The following CRTC1 variants were observed in gnomAD, a reference collection of about 807,000 sequenced individuals.
The protein encoded by CRTC1 is CREB-regulated transcription coactivator 1.
In CRTC1, 18 loss-of-function variants were observed where a neutral mutation model predicts 66.1. That is an observed-to-expected ratio of 0.27 (90% CI 0.19 to 0.40). The LOEUF (loss-of-function observed/expected upper bound fraction) is 0.40. Ranked by LOEUF, CRTC1 falls within the 10% of genes least tolerant of loss-of-function variation. The probability of loss-of-function intolerance (pLI) is 1.00; values close to 1 mark genes in which losing one functional copy is unlikely to be tolerated. For missense variants in CRTC1, 669 were observed against 887.9 expected (o/e 0.75, Z 3.13); for synonymous variants, 416 against 398.8 (o/e 1.04, Z -0.51).
At chr19:18,740,876 G>C (rs1026709919) in intron 1 of CRTC1, among the ~76,000 whole-genome samples, 1 of 152,092 alleles carries the variant, frequency 6.6e-6, no homozygotes, top group African/African-American at 2.4e-5. Flanking sequence ...GCCAGGCATG[G>C]TGCCTGTAGT....
At chr19:18,716,576 T>C (rs993728828) in intron 1 of CRTC1, among the ~76,000 whole-genome samples, 3 of 152,194 alleles carry the variant, frequency 2.0e-5, no homozygotes, top group African/African-American at 4.8e-5. Context: ...TTAGCCCAGG[T>C]GCAGCCCAGC....
chr19:18,713,546 T>TGCACCCTTAGGCGTCCTCCTCGTGCCCC (rs141662915), intron 1 of CRTC1, among the ~76,000 whole-genome samples: 85,784 of 150,056 alleles, frequency 0.57, 25,685 homozygotes, highest in East Asian at 0.9. Flanking sequence ...GCTGAGGCCC[T>TGCACCCTTAGGCGTCCTCCTCGTGCCCC]GCACCCTTAG....
rs751456753 is a variant in CRTC1, at chr19:18,743,060, TG to T, written c.243+38del. 12 of 1,532,274 alleles carry T rather than the reference TG, an allele frequency of 7.8e-6. No individual in the cohort carries two copies. In the East Asian group the frequency reaches 1.6e-4, roughly 20 times the overall value. 94.9% of individuals were successfully genotyped at this position (1,532,274 alleles called of 1,614,324 possible). ...CCCGCCCCCTGGCCCTGCCCCATTG[TG>T]GGGAGCTTCCCCCAGCCTCCCACTG... On this transcript the variant is annotated intron_variant, in intron 2 of 13. Coordinates refer to ENST00000321949, the MANE Select transcript of CRTC1 (RefSeq NM_015321.3).
chr19:18,717,699 GT>G (rs2145611375), intron 1 of CRTC1, among the ~76,000 whole-genome samples: 1 of 152,260 alleles, frequency 6.6e-6, no homozygotes, highest in East Asian at 1.9e-4. Context: ...AGAGAGGAGG[GT>G]GCAGGGTTCC....
At chr19:18,685,798 CA>C (rs1472546431) in intron 1 of CRTC1, among the ~76,000 whole-genome samples, 1 of 152,096 alleles carries the variant, frequency 6.6e-6, no homozygotes, top group African/African-American at 2.4e-5. Flanking sequence ...CAGTTGTTGT[CA>C]AATGTTTGCA....
intron 1 of CRTC1, among the ~76,000 whole-genome samples, chr19:18,706,717 G>A (rs1480584850): frequency 6.6e-6 from 1 of 152,066 alleles, no homozygotes; most frequent in Non-Finnish European, 1.5e-5. Flanking sequence ...TTTTGATAGG[G>A]ATTGTGGTTT....
At chr19:18,732,845 C>G (rs893946757) in intron 1 of CRTC1, among the ~76,000 whole-genome samples, 1 of 152,046 alleles carries the variant, frequency 6.6e-6, no homozygotes, top group Admixed American at 6.6e-5. Flanking sequence ...AATTCCAGCA[C>G]TTTGGGAGGC....
rs1167369631 is a variant in CRTC1, at chr19:18,741,941, C to T, written c.127-969C>T. ...ACTGCCAGGAGCTGTTTGTAAGGAA[C>T]GAGTCGGCCTTGTTGTGTACACAGT... On this transcript the variant is annotated intron_variant, in intron 1 of 13. Transcript: ENST00000321949. The surrounding 1 kb of genome is among the most constrained non-coding windows in gnomAD (Gnocchi z 4.2). Among the ~76,000 whole-genome samples, 1 of 152,080 alleles carries T rather than the reference C, an allele frequency of 6.6e-6. No individual in the cohort carries two copies. Among genetic ancestry groups the T allele is most frequent in the East Asian group, 1.9e-4 (1 of 5,178 alleles).
intron 5 of CRTC1, among the ~76,000 whole-genome samples, chr19:18,752,127 G>A (rs368297924): frequency 2.5e-4 from 38 of 149,932 alleles, no homozygotes; most frequent in African/African-American, 7.3e-4. Flanking sequence ...TCCAGCCTGG[G>A]TGGGAGAGCA....
At chr19:18,740,553 C>G (rs553801977) in intron 1 of CRTC1, among the ~76,000 whole-genome samples, 2 of 152,304 alleles carry the variant, frequency 1.3e-5, no homozygotes, top group East Asian at 3.9e-4. Flanking sequence ...AGCCCAAGGC[C>G]TCAGGCACAC....
intron 1 of CRTC1, among the ~76,000 whole-genome samples, chr19:18,700,908 A>T (rs13344506): frequency 3.3e-5 from 5 of 152,114 alleles, no homozygotes; most frequent in African/African-American, 1.2e-4. Context: ...GCGTTACACC[A>T]TTGAGTCCTT....
chr19:18,764,190 C>T lies in CRTC1; in HGVS notation c.887-1214C>T, dbSNP rs1012122656. Among the ~76,000 whole-genome samples, 14 of 152,330 alleles carry T rather than the reference C, an allele frequency of 9.2e-5. 1 individual carries two copies. In the South Asian group the frequency reaches 1.2e-3, roughly 14 times the overall value. ...TGTCGGGTGTGTTCCCATGGGCCCA[C>T]GCACCCGCCGTCTCATCTGCCGGAA... On this transcript the variant is annotated intron_variant, in intron 8 of 13. Coordinates refer to ENST00000321949, the MANE Select transcript of CRTC1 (RefSeq NM_015321.3).
chr19:18,726,536 A>C (rs1374349185), intron 1 of CRTC1, among the ~76,000 whole-genome samples: 1 of 152,218 alleles, frequency 6.6e-6, no homozygotes, highest in East Asian at 1.9e-4. Context: ...CCTGTGAGTG[A>C]GCTCATTTGG....
chr19:18,754,025 C>G (rs2054430356), intron 6 of CRTC1, among the ~76,000 whole-genome samples: 1 of 151,274 alleles, frequency 6.6e-6, no homozygotes, highest in African/African-American at 2.4e-5. Context: ...CGTTTGAAAC[C>G]TGGAGGCAGA....
rs112879915 is a variant in CRTC1 at position 18,698,937 on chromosome 19, C to T, written c.126+15109C>T. Among the ~76,000 whole-genome samples, 921 of 151,450 alleles carry T rather than the reference C, an allele frequency of 6.1e-3. 19 individuals carry two copies. Among genetic ancestry groups the T allele is most frequent in the African/African-American group, 0.021 (864 of 41,270 alleles). On this transcript the variant is annotated intron_variant, in intron 1 of 13. Transcript: ENST00000321949. ...AGGTGCACAGTGTGTATTTAGCAGG[C>T]GCTCAGCAGGTGCATAATGTGTATT...
In CRTC1 at chr19:18,747,944, G is replaced by A. The variant is rs191923221; in HGVS notation, c.443+830G>A. ...ATGAGAGAATTAGCCAGATGTAGTA[G>A]TGCACGCCTGTACTCCCAGCTACTC... On this transcript the variant is annotated intron_variant, in intron 4 of 13. Coordinates refer to ENST00000321949, the MANE Select transcript of CRTC1 (RefSeq NM_015321.3). Among the ~76,000 whole-genome samples, 645 of 152,168 alleles carry A rather than the reference G, an allele frequency of 4.2e-3. 2 individuals carry two copies. Among genetic ancestry groups the A allele is most frequent in the Non-Finnish European group, 7.4e-3 (504 of 68,016 alleles).
chr19:18,764,289 T>C (rs954475449), intron 8 of CRTC1, among the ~76,000 whole-genome samples: 17 of 152,234 alleles, frequency 1.1e-4, no homozygotes, highest in Admixed American at 7.9e-4. Flanking sequence ...GCAGGCCAGA[T>C]GCTCTTCAGA....
At chr19:18,769,243 A>G (rs933126823) in intron 10 of CRTC1, among the ~76,000 whole-genome samples, 2 of 152,216 alleles carry the variant, frequency 1.3e-5, no homozygotes, top group Admixed American at 6.5e-5. Context: ...CCTGGGGCCC[A>G]GGGCTGGGGG....
chr19:18,771,402 G>A lies in CRTC1; in HGVS notation c.1321-40G>A, dbSNP rs2054864912. On this transcript the variant is annotated intron_variant, in intron 10 of 13. Transcript: ENST00000321949. The surrounding 1 kb of genome is among the most constrained non-coding windows in gnomAD (Gnocchi z 4.6). ...AGCAGGGACTGGAGCCCGGGCTTGG[G>A]CAGCTGGGCTGCGGCGTGCTGATCT... is the stretch of plus-strand genomic sequence containing the variant. The A allele has an allele frequency of 6.4e-7, 1 of 1,552,570 alleles. No individual in the cohort carries two copies. The highest frequency in any genetic ancestry group is 8.8e-7 in the Non-Finnish European group (1 of 1,140,538).
Sources: gnomAD v4.1 joint callset for allele counts (sites outside exome capture counted in the v4.1 genomes callset) on GRCh38, gnomAD v4.1.1 for gene constraint, Gnocchi (gnomAD v3.1) non-coding constraint, MANE v1.5 for transcripts, NCBI Gene and HGNC (gene_info 2026-07-23, HGNC 2026-07-21) for gene names.